The following NXPE2 variants were observed in gnomAD, a reference collection of about 807,000 sequenced individuals.
NXPE2 encodes the protein NXPE family member 2.
In NXPE2, 34 loss-of-function variants were observed where a neutral mutation model predicts 34.4. The observed-to-expected ratio is 0.99, with a 90% CI of 0.75 to 1.31. The LOEUF (loss-of-function observed/expected upper bound fraction) is 1.31, where lower values mean the gene tolerates loss of function less well. Among genes scored for constraint, NXPE2 ranks in the 40% most tolerant of loss-of-function variants. The probability of loss-of-function intolerance (pLI) is 0.00; values close to 1 mark genes in which losing one functional copy is unlikely to be tolerated. For synonymous variants in NXPE2, 235 were observed against 231.3 expected (o/e 1.02, Z -0.15); for missense variants, 649 against 672.5 (o/e 0.97, Z 0.39).
chr11:114,803,026 ATC>A, the NXPE2 span, among the ~76,000 whole-genome samples: 1 of 152,162 alleles, frequency 6.6e-6, no homozygotes, highest in South Asian at 2.1e-4. Flanking sequence ...TGAGATCAGC[ATC>A]TCTCAAGGAA....
At chr11:114,630,977 C>G in the NXPE2 span, among the ~76,000 whole-genome samples, 3 of 150,650 alleles carry the variant, frequency 2.0e-5, no homozygotes, top group Non-Finnish European at 4.5e-5. Flanking sequence ...CAATGAGATA[C>G]CATCTCACAC....
At chr11:114,783,007 C>A in the NXPE2 span, among the ~76,000 whole-genome samples, 1 of 152,164 alleles carries the variant, frequency 6.6e-6, no homozygotes, top group African/African-American at 2.4e-5. Flanking sequence ...ACGCATAACT[C>A]GAAATCTCAC....
the NXPE2 span, among the ~76,000 whole-genome samples, chr11:114,728,934 T>C: frequency 1.3e-5 from 2 of 152,098 alleles, no homozygotes; most frequent in Non-Finnish European, 2.9e-5. Flanking sequence ...TATTTTCCAT[T>C]TTTATTTTAG....
the NXPE2 span, among the ~76,000 whole-genome samples, chr11:114,585,884 A>G: frequency 6.6e-6 from 1 of 152,184 alleles, no homozygotes; most frequent in Non-Finnish European, 1.5e-5. Flanking sequence ...AGGGCCAGGC[A>G]TGTTCAACAT....
chr11:114,617,627 G>A, the NXPE2 span, among the ~76,000 whole-genome samples: 1 of 151,886 alleles, frequency 6.6e-6, no homozygotes, highest in African/African-American at 2.4e-5. Flanking sequence ...GGTAACCACT[G>A]TTACCCAATG....
the NXPE2 span, among the ~76,000 whole-genome samples, chr11:114,475,219 G>A: frequency 8.0e-6 from 1 of 124,762 alleles, no homozygotes; most frequent in African/African-American, 2.9e-5. Flanking sequence ...TACATTTAAT[G>A]TGAACTGTTT....
At chr11:114,683,024 GA>G (rs1950975510) in intron 2 of NXPE2, among the ~76,000 whole-genome samples, 1 of 151,968 alleles carries the variant, frequency 6.6e-6, no homozygotes. Flanking sequence ...AACCCCTTAA[GA>G]AAATTTCATT....
At chr11:114,613,514 G>A in the NXPE2 span, among the ~76,000 whole-genome samples, 1 of 151,822 alleles carries the variant, frequency 6.6e-6, no homozygotes, top group Non-Finnish European at 1.5e-5. Flanking sequence ...TGGATAATAA[G>A]TATTGCTTCG....
the NXPE2 span, among the ~76,000 whole-genome samples, chr11:114,798,152 C>T: frequency 6.6e-6 from 1 of 152,190 alleles, no homozygotes; most frequent in African/African-American, 2.4e-5. Flanking sequence ...TAATAAAAAC[C>T]TATTTCACTA....
chr11:114,622,721 T>A, the NXPE2 span, among the ~76,000 whole-genome samples: 1 of 150,950 alleles, frequency 6.6e-6, no homozygotes, highest in Non-Finnish European at 1.5e-5. Flanking sequence ...ATAATACGTG[T>A]TCCCTCGTGT....
the NXPE2 span, among the ~76,000 whole-genome samples, chr11:114,600,230 GTGA>G: frequency 2.0e-5 from 3 of 152,132 alleles, no homozygotes; most frequent in Non-Finnish European, 2.9e-5. Context: ...GCTTACCCAA[GTGA>G]TGATGGGTTA....
the NXPE2 span, among the ~76,000 whole-genome samples, chr11:114,531,759 C>T: frequency 6.6e-6 from 1 of 152,100 alleles, no homozygotes; most frequent in Non-Finnish European, 1.5e-5. Flanking sequence ...CTGAATATCC[C>T]CTGAATTCCC....
At chr11:114,619,218 C>G in the NXPE2 span, among the ~76,000 whole-genome samples, 10 of 151,486 alleles carry the variant, frequency 6.6e-5, no homozygotes, top group Admixed American at 3.3e-4. Context: ...TCTAGGGTAA[C>G]CACTCTTACC....
rs1229265009 is a variant in NXPE2, at chr11:114,706,869, C to T, written c.1619C>T (p.Ala540Val). 4 of 1,551,758 alleles carry T rather than the reference C, an allele frequency of 2.6e-6. No individual in the cohort carries two copies. The highest frequency in any genetic ancestry group is 1.2e-5 in the South Asian group (1 of 84,046). ...DMTIAYCTNN[A>V]HPPDYVIQNQ... is the part of the protein sequence containing the mutation. Reference sequence around the variant, plus strand: ...ACGATTGCATATTGCACCAACAATGCCCATCCACCGGATTATGTGATTCAA... The same window carrying T: ...ACGATTGCATATTGCACCAACAATGTCCATCCACCGGATTATGTGATTCAA... The change falls in exon 6 of 6, where the codon GCC becomes GTC. Residue 540 changes from alanine to valine, a missense_variant. Ala to Val is a moderately conservative substitution (Grantham distance 64, BLOSUM62 0). Coordinates refer to ENST00000389586, the MANE Select transcript of NXPE2 (RefSeq NM_182495.6).
At chr11:114,601,739 AATT>A in the NXPE2 span, among the ~76,000 whole-genome samples, 5 of 71,364 alleles carry the variant, frequency 7.0e-5, no homozygotes, top group East Asian at 1.8e-3. Flanking sequence ...TATTATATAT[AATT>A]ATAATATATA....
the NXPE2 span, among the ~76,000 whole-genome samples, chr11:114,555,987 T>C: frequency 2.0e-5 from 3 of 152,224 alleles, no homozygotes; most frequent in African/African-American, 7.2e-5. Flanking sequence ...GTTCTCTATA[T>C]GGACAAATGT....
chr11:114,545,691 CTTTT>C, the NXPE2 span, among the ~76,000 whole-genome samples: 1 of 138,792 alleles, frequency 7.2e-6, no homozygotes, highest in African/African-American at 2.6e-5. Flanking sequence ...AAGAGTGGAT[CTTTT>C]TTTTTTTTTT....
chr11:114,765,366 C>T, the NXPE2 span, among the ~76,000 whole-genome samples: 1 of 152,220 alleles, frequency 6.6e-6, no homozygotes, highest in South Asian at 2.1e-4. Flanking sequence ...ATTTTTCCAA[C>T]AGCACGTGCT....
At chr11:114,557,674 A>AT in the NXPE2 span, among the ~76,000 whole-genome samples, 16 of 129,372 alleles carry the variant, frequency 1.2e-4, no homozygotes, top group African/African-American at 4.2e-4. Context: ...TATATATATA[A>AT]AATCCTTGTT....
Sources: gnomAD v4.1 joint callset for allele counts (sites outside exome capture counted in the v4.1 genomes callset) on GRCh38, gnomAD v4.1.1 for gene constraint, MANE v1.5 for transcripts, NCBI Gene and HGNC (gene_info 2026-07-23, HGNC 2026-07-21) for gene names.